Variants in GALNT2 observed in about 807,000 individuals in gnomAD.
GALNT2 encodes UDP-GalNAc:polypeptide N-acetylgalactosaminyltransferase 2.
Under a neutral mutation model 81.4 loss-of-function variants are expected in GALNT2, and 31 were observed. The ratio of observed to expected loss-of-function variants is 0.38; its 90% CI spans 0.29 to 0.51. The LOEUF (loss-of-function observed/expected upper bound fraction) is 0.51, where lower values mean the gene tolerates loss of function less well. Ranked by LOEUF, GALNT2 falls within the 20% of genes least tolerant of loss-of-function variation. The pLI is 0.87. For synonymous variants in GALNT2, 303 were observed against 287.4 expected (o/e 1.05, Z -0.55); for missense variants, 629 against 765.7 (o/e 0.82, Z 2.11).
chr1:230,068,807 GACATTGT>G (rs1269882184), intron 1 of GALNT2, among the ~76,000 whole-genome samples: 2 of 152,192 alleles, frequency 1.3e-5, no homozygotes, highest in East Asian at 3.9e-4. Flanking sequence ...CTTCTGAGCT[GACATTGT>G]ACTCTTAGCG....
At chr1:230,147,538 G>GTTCTCCTTTC (rs2102831535) in intron 1 of GALNT2, among the ~76,000 whole-genome samples, 1 of 152,320 alleles carries the variant, frequency 6.6e-6, no homozygotes, top group African/African-American at 2.4e-5. Context: ...TTGGCCACTG[G>GTTCTCCTTTC]TTCTCCTTTC....
At chr1:230,108,723 A>G (rs552593175) in intron 1 of GALNT2, among the ~76,000 whole-genome samples, 66 of 152,346 alleles carry the variant, frequency 4.3e-4, no homozygotes, top group African/African-American at 1.3e-3. Context: ...TGGGCAAGTC[A>G]TATCCAAACA....
At chr1:230,232,195 C>T (rs894981461) in intron 3 of GALNT2, among the ~76,000 whole-genome samples, 3 of 152,186 alleles carry the variant, frequency 2.0e-5, no homozygotes, top group Admixed American at 1.3e-4. Flanking sequence ...CATGTACATA[C>T]ACACACTCAC....
intron 6 of GALNT2, among the ~76,000 whole-genome samples, chr1:230,237,266 G>A (rs1256470134): frequency 1.3e-5 from 2 of 152,208 alleles, no homozygotes; most frequent in Admixed American, 1.3e-4. Context: ...TAGAAGAGAG[G>A]CTGTAAAGGA....
chr1:230,171,426 T>C (rs1662787953), intron 1 of GALNT2, among the ~76,000 whole-genome samples: 2 of 152,224 alleles, frequency 1.3e-5, no homozygotes, highest in Non-Finnish European at 2.9e-5. Flanking sequence ...TTGGCTGTAG[T>C]GGTAATTACT....
intron 1 of GALNT2, chr1:230,091,765 TC>T (rs892929532): frequency 2.6e-5 from 4 of 152,286 alleles, no homozygotes; most frequent in Admixed American, 6.5e-5. Flanking sequence ...TTGAATTCAG[TC>T]TTCAGTTATC....
chr1:230,214,404 G>A (rs1664325508), intron 3 of GALNT2, among the ~76,000 whole-genome samples: 2 of 152,120 alleles, frequency 1.3e-5, no homozygotes, highest in South Asian at 2.1e-4. Flanking sequence ...GAGCCACCAC[G>A]CCCGGCTTAC....
chr1:230,280,282 C>CA lies in GALNT2; in HGVS notation c.*825dup. ...GCCAGCTGGGGGGCTTCCTCCAGAC[C>CA]ACCGGCCTCGGCCCCGGCATCCCTG... is the stretch of plus-strand genomic sequence containing the variant. On this transcript the variant is annotated 3_prime_UTR_variant, in exon 16 of 16. Transcript: ENST00000366672. The CA allele has an allele frequency of 3.2e-6, 1 of 309,074 alleles. No individual in the cohort carries two copies. The highest frequency in any genetic ancestry group is 3.0e-5 in the South Asian group (1 of 33,134). 19.1% of individuals were successfully genotyped at this position (309,074 alleles called of 1,614,324 possible). A position where few individuals can be genotyped will look rare whatever the true frequency, so the allele number is the denominator to read the frequency against.
intron 2 of GALNT2, among the ~76,000 whole-genome samples, chr1:230,191,233 G>T (rs1663513880): frequency 2.6e-5 from 4 of 152,224 alleles, no homozygotes. Flanking sequence ...TAGCTGAAGT[G>T]TTTAGTTCTC....
At chr1:230,181,681 C>T (rs563567248) in intron 2 of GALNT2, among the ~76,000 whole-genome samples, 5 of 152,194 alleles carry the variant, frequency 3.3e-5, no homozygotes, top group Non-Finnish European at 5.9e-5. Flanking sequence ...TGAGCCAGCA[C>T]ACCCAGCCAT....
chr1:230,136,841 ACAGGTTGAAATCACCCT>A (rs1292132112), intron 1 of GALNT2, among the ~76,000 whole-genome samples: 7 of 152,276 alleles, frequency 4.6e-5, no homozygotes, highest in African/African-American at 1.7e-4. Context: ...TTCAACAAGA[ACAGGTTGAAATCACCCT>A]CAGACCGAAG....
chr1:230,250,627 T>C, intron 10 of GALNT2, 67 bp downstream of exon 10: 1 of 1,253,092 alleles, frequency 8.0e-7, no homozygotes, highest in Non-Finnish European at 1.1e-6. Context: ...GGGTGCCAAT[T>C]GGAAAAAAAA....
intron 1 of GALNT2, among the ~76,000 whole-genome samples, chr1:230,081,085 G>T (rs564174369): frequency 6.6e-6 from 1 of 152,164 alleles, no homozygotes; most frequent in Non-Finnish European, 1.5e-5. Context: ...CCTCGAAAGC[G>T]CCTCCAGCCT....
chr1:230,248,365 A>T (rs1170702990), intron 8 of GALNT2, among the ~76,000 whole-genome samples: 1 of 152,224 alleles, frequency 6.6e-6, no homozygotes. Context: ...TTGGAATTGG[A>T]AATGCAGCAC....
At chr1:230,072,634 A>G (rs1187058734) in intron 1 of GALNT2, among the ~76,000 whole-genome samples, 3 of 152,198 alleles carry the variant, frequency 2.0e-5, no homozygotes, top group Non-Finnish European at 4.4e-5. Context: ...CGTACAAGTC[A>G]GTGGATATCC....
At position 230,243,231 on chromosome 1, in the gene GALNT2, G is replaced by A. The variant is rs1270513651; in HGVS notation, c.608-75G>A. On this transcript the variant is annotated intron_variant, in intron 6 of 15. Coordinates refer to ENST00000366672, the MANE Select transcript of GALNT2 (RefSeq NM_004481.5). This position sits in a 1 kb window ranked among gnomAD's most constrained non-coding sequence, Gnocchi z 4.2. The stretch of plus-strand genomic sequence containing the variant: ...GCTGCAGAGCTGCGGGCAGGGAGGC[G>A]TCGCCGGTTGGCATGGGGTTGTGCT... The A allele has an allele frequency of 6.0e-6, 9 of 1,491,048 alleles. No individual in the cohort carries two copies. Among genetic ancestry groups the A allele is most frequent in the African/African-American group, 1.4e-5 (1 of 71,024 alleles). 92.4% of individuals were successfully genotyped at this position (1,491,048 alleles called of 1,614,324 possible).
chr1:230,157,578 C>T (rs1662298771), intron 1 of GALNT2, among the ~76,000 whole-genome samples: 1 of 152,166 alleles, frequency 6.6e-6, no homozygotes, highest in Non-Finnish European at 1.5e-5. Context: ...GTAACTGTCC[C>T]ACGACTGGGG....
intron 1 of GALNT2, among the ~76,000 whole-genome samples, chr1:230,093,379 C>T (rs1251673729): frequency 6.7e-6 from 1 of 148,698 alleles, no homozygotes; most frequent in Non-Finnish European, 1.5e-5. Flanking sequence ...TTAAATCAAA[C>T]CTGAAGCAGA....
chr1:230,280,400 A>G lies in GALNT2; in HGVS notation c.*942A>G, dbSNP rs190036998. ...ACCTGGAGCGGTTACTTATTTTGAC[A>G]GATATCACTTTGGGTCTTTTTACAT... On this transcript the variant is annotated 3_prime_UTR_variant, in exon 16 of 16. Transcript: ENST00000366672. 5.2e-6 allele frequency: 1 copy of G among 193,816 alleles called. No homozygotes were observed. Among genetic ancestry groups the G allele is most frequent in the East Asian group, 1.1e-4 (1 of 8,728 alleles). 12.0% of individuals were successfully genotyped at this position (193,816 alleles called of 1,614,324 possible). A position where few individuals can be genotyped will look rare whatever the true frequency, so the allele number is the denominator to read the frequency against.
Sources: allele counts gnomAD v4.1 joint callset (sites outside exome capture counted in the v4.1 genomes callset), GRCh38; gene constraint gnomAD v4.1.1; non-coding constraint Gnocchi (gnomAD v3.1); transcripts MANE v1.5; gene names NCBI Gene and HGNC (gene_info 2026-07-23, HGNC 2026-07-21).